The following NYAP2 variants were observed in gnomAD, a reference collection of about 807,000 sequenced individuals.
NYAP2 encodes neuronal tyrosine-phosphorylated phosphoinositide-3-kinase adaptor 2.
NYAP2 carries 23 observed loss-of-function variants against 50.4 expected under a neutral mutation model. That is an observed-to-expected ratio of 0.46 (90% CI 0.33 to 0.65). NYAP2 has a LOEUF of 0.65. Ranked by LOEUF, NYAP2 falls within the 30% of genes least tolerant of loss-of-function variation. The pLI, the probability that NYAP2 is intolerant of heterozygous loss-of-function variation, is 0.02. For missense variants in NYAP2, 885 were observed against 861.0 expected (o/e 1.03, Z -0.35); for synonymous variants, 394 against 365.2 (o/e 1.08, Z -0.90).
intron 3 of NYAP2, among the ~76,000 whole-genome samples, chr2:225,506,059 GA>G (rs150569556): frequency 0.018 from 2,710 of 149,136 alleles, 73 homozygotes; most frequent in African/African-American, 0.062. Context: ...CTGAGAGAGA[GA>G]AAAAAAAAAG....
intron 3 of NYAP2, among the ~76,000 whole-genome samples, chr2:225,478,711 A>G (rs1690159092): frequency 1.3e-5 from 2 of 152,236 alleles, no homozygotes; most frequent in African/African-American, 2.4e-5. Context: ...TGAAAATACA[A>G]TGGTCCTGAA....
chr2:225,518,554 ATATATATATATATATTAGCGTGTGCGCT>A (rs1690980689), intron 4 of NYAP2, among the ~76,000 whole-genome samples: 5 of 75,484 alleles, frequency 6.6e-5, no homozygotes, highest in African/African-American at 1.0e-4. Context: ...ATATATATAT[ATATATATATATATATTAGCGTGTGCGCT>A]TATATATATA....
intron 4 of NYAP2, among the ~76,000 whole-genome samples, chr2:225,521,303 A>C (rs893014474): frequency 1.3e-5 from 2 of 151,812 alleles, no homozygotes; most frequent in Non-Finnish European, 2.9e-5. Flanking sequence ...AGAACTTCCA[A>C]CACTATGTTG....
At chr2:225,649,095 CGTGT>C (rs972088802) in intron 6 of NYAP2, among the ~76,000 whole-genome samples, 4 of 152,008 alleles carry the variant, frequency 2.6e-5, no homozygotes, top group African/African-American at 9.7e-5. Context: ...TGTGCAAGTG[CGTGT>C]GTATGTGTGT....
At position 225,562,974 on chromosome 2, in the gene NYAP2, T is replaced by C. The variant is rs539526877; in HGVS notation, c.524-18967T>C. Among the ~76,000 whole-genome samples the C allele has an allele frequency of 6.8e-4, 103 of 152,234 alleles. No homozygotes were observed. The South Asian group carries it at 0.011, about 17-fold the overall frequency. On this transcript the variant is annotated intron_variant, in intron 4 of 6. Transcript: ENST00000636099. ...TGATGATGAGACAAGATCTCCCCAC[T>C]TACCCACTTCATGGCAAAATATTTC...
chr2:225,591,129 A>G (rs1285231628), intron 5 of NYAP2, among the ~76,000 whole-genome samples: 2 of 152,186 alleles, frequency 1.3e-5, no homozygotes, highest in East Asian at 1.9e-4. Flanking sequence ...GGCCCTCCAG[A>G]TGGAGCTGTG....
At chr2:225,586,448 T>G (rs1432829797) in intron 5 of NYAP2, among the ~76,000 whole-genome samples, 2 of 152,128 alleles carry the variant, frequency 1.3e-5, no homozygotes, top group African/African-American at 2.4e-5. Context: ...GCTCTAGTAC[T>G]TTTTTTAGTT....
chr2:225,663,273 T>C, the NYAP2 span, among the ~76,000 whole-genome samples: 1 of 152,152 alleles, frequency 6.6e-6, no homozygotes, highest in Non-Finnish European at 1.5e-5. Context: ...ATCACAGGTT[T>C]AGCATCTCTC....
At chr2:225,421,506 A>G (rs1298778193) in intron 3 of NYAP2, among the ~76,000 whole-genome samples, 4 of 152,208 alleles carry the variant, frequency 2.6e-5, no homozygotes, top group Non-Finnish European at 5.9e-5. Context: ...GGAAATATCT[A>G]TAGTGATCAG....
chr2:225,702,098 C>A, the NYAP2 span: 2 of 151,544 alleles, frequency 1.3e-5, no homozygotes, highest in Non-Finnish European at 3.0e-5. Context: ...ACAATTCCTA[C>A]GATTTAAGCA....
intron 4 of NYAP2, among the ~76,000 whole-genome samples, chr2:225,535,752 T>C (rs1337528079): frequency 6.6e-6 from 1 of 152,152 alleles, no homozygotes; most frequent in East Asian, 1.9e-4. Flanking sequence ...AGGAGACAGA[T>C]GGTGGTTGCT....
intron 3 of NYAP2, among the ~76,000 whole-genome samples, chr2:225,415,243 A>G (rs1326129963): frequency 2.6e-5 from 4 of 152,314 alleles, no homozygotes; most frequent in Middle Eastern, 3.4e-3. Flanking sequence ...CTTGAAAGCT[A>G]TCTGTATTTG....
chr2:225,620,058 C>G (rs1219935026), intron 5 of NYAP2, among the ~76,000 whole-genome samples: 1 of 152,164 alleles, frequency 6.6e-6, no homozygotes, highest in African/African-American at 2.4e-5. Flanking sequence ...TAAAATAACT[C>G]AGATTCCACA....
intron 3 of NYAP2, among the ~76,000 whole-genome samples, chr2:225,436,480 G>T (rs1355429875): frequency 6.6e-6 from 1 of 152,074 alleles, no homozygotes; most frequent in Non-Finnish European, 1.5e-5. Context: ...GTGTGTCTCT[G>T]TCCAAATTTC....
chr2:225,448,437 A>G (rs974873628), intron 3 of NYAP2, among the ~76,000 whole-genome samples: 7 of 152,294 alleles, frequency 4.6e-5, no homozygotes, highest in African/African-American at 1.7e-4. Flanking sequence ...TGAAGCAGCT[A>G]CCTCTCTTTT....
intron 6 of NYAP2, among the ~76,000 whole-genome samples, chr2:225,631,097 T>G (rs1693306189): frequency 6.6e-6 from 1 of 152,204 alleles, no homozygotes; most frequent in Non-Finnish European, 1.5e-5. Context: ...AATCCACACA[T>G]TTCAAAGTGT....
At chr2:225,604,738 G>A (rs1008631579) in intron 5 of NYAP2, among the ~76,000 whole-genome samples, 5 of 151,854 alleles carry the variant, frequency 3.3e-5, no homozygotes, top group East Asian at 3.9e-4. Context: ...GGAATACTAC[G>A]ACAAATTTCA....
the NYAP2 span, among the ~76,000 whole-genome samples, chr2:225,686,540 G>A: frequency 4.6e-5 from 7 of 152,106 alleles, no homozygotes; most frequent in Non-Finnish European, 8.8e-5. Flanking sequence ...AAGGATTACT[G>A]TACTATATTT....
At chr2:225,634,306 G>A (rs1417551925) in intron 6 of NYAP2, among the ~76,000 whole-genome samples, 1 of 152,100 alleles carries the variant, frequency 6.6e-6, no homozygotes, top group Non-Finnish European at 1.5e-5. Context: ...TCAAAATATG[G>A]AATTCTGTAC....
Sources: gnomAD v4.1 joint callset for allele counts (sites outside exome capture counted in the v4.1 genomes callset) on GRCh38, gnomAD v4.1.1 for gene constraint, MANE v1.5 for transcripts, NCBI Gene and HGNC (gene_info 2026-07-23, HGNC 2026-07-21) for gene names.